TTC28: variants seen among roughly 807,000 people sequenced by gnomAD.
TTC28 encodes the protein tetratricopeptide repeat domain 28.
A neutral mutation model predicts 198.0 loss-of-function variants in TTC28; 61 were observed. That is an observed-to-expected ratio of 0.31 (90% CI 0.25 to 0.38). The LOEUF (loss-of-function observed/expected upper bound fraction) is 0.38. Ranked by LOEUF, TTC28 falls within the 10% of genes least tolerant of loss-of-function variation. The pLI is 1.00. For missense variants in TTC28, 2,678 were observed against 3,164.0 expected, an observed-to-expected ratio of 0.85 and a Z score of 3.69; for synonymous variants, 1,171 against 1,297.8, an observed-to-expected ratio of 0.90 and a Z score of 2.10.
chr22:28,192,753 A>C (rs949337116), intron 5 of TTC28, among the ~76,000 whole-genome samples: 4 of 152,166 alleles, frequency 2.6e-5, no homozygotes, highest in Admixed American at 2.6e-4. Context: ...AAAAAGTAAA[A>C]AGCAAGGACA....
chr22:28,190,547 C>A (rs1485287289), intron 5 of TTC28, among the ~76,000 whole-genome samples: 2 of 152,162 alleles, frequency 1.3e-5, no homozygotes, highest in Admixed American at 6.5e-5. Context: ...TGGTGGCCAA[C>A]AAACATGTTT....
intron 2 of TTC28, among the ~76,000 whole-genome samples, chr22:28,309,206 T>C (rs1275273990): frequency 6.6e-6 from 1 of 152,182 alleles, no homozygotes; most frequent in Admixed American, 6.5e-5. Context: ...AACACATAAT[T>C]ATAGACTAAC....
intron 2 of TTC28, among the ~76,000 whole-genome samples, chr22:28,472,619 C>T (rs183981131): frequency 9.4e-4 from 141 of 149,264 alleles, no homozygotes; most frequent in Middle Eastern, 7.1e-3. Context: ...AAGAATGAAA[C>T]TGCAACCGTA....
chr22:28,362,992 A>C (rs5752728), intron 2 of TTC28, among the ~76,000 whole-genome samples: 35,301 of 151,884 alleles, frequency 0.23, 5,191 homozygotes, highest in South Asian at 0.39. Flanking sequence ...ACAACAACAA[A>C]AAACACATTT....
At chr22:28,279,991 T>C (rs571554461) in intron 5 of TTC28, among the ~76,000 whole-genome samples, 77 of 152,364 alleles carry the variant, frequency 5.1e-4, no homozygotes, top group Non-Finnish European at 9.8e-4. Context: ...CATTCTTCCA[T>C]TGAGAAACAC....
At chr22:28,269,115 A>G (rs928103845) in intron 5 of TTC28, among the ~76,000 whole-genome samples, 1 of 152,032 alleles carries the variant, frequency 6.6e-6, no homozygotes, top group Admixed American at 6.6e-5. Flanking sequence ...CGCAAGCACT[A>G]ATTTTATTAT....
At position 28,032,192 on chromosome 22, in the gene TTC28, T is replaced by TATATATATATAAA. The variant is rs1331282843; in HGVS notation, c.3933-1839_3933-1827dup. On this transcript the variant is annotated intron_variant, in intron 12 of 22. Transcript: ENST00000397906. ...TGTATATATATATATATATATAAAA[T>TATATATATATAAA]ATATATATATAAAATATATATATAT... is the stretch of plus-strand genomic sequence containing the variant. 5.3e-4 allele frequency among the ~76,000 whole-genome samples: 60 copies of TATATATATATAAA among 112,526 alleles called. 1 individual carries two copies. The highest frequency in any genetic ancestry group is 7.3e-4 in the Non-Finnish European group (40 of 54,922). The allele number at this position is 112,526 out of a possible 152,430, so 73.8% of individuals were successfully genotyped here. A position where few individuals can be genotyped will look rare whatever the true frequency, so the allele number is the denominator to read the frequency against.
At chr22:28,075,701 T>C (rs1168367687) in intron 12 of TTC28, among the ~76,000 whole-genome samples, 2 of 152,218 alleles carry the variant, frequency 1.3e-5, no homozygotes, top group African/African-American at 2.4e-5. Flanking sequence ...CTTTCCTCCA[T>C]GCCCTTGCCT....
chr22:28,420,321 T>G (rs2047229731), intron 2 of TTC28, among the ~76,000 whole-genome samples: 1 of 152,186 alleles, frequency 6.6e-6, no homozygotes, highest in South Asian at 2.1e-4. Context: ...GCATATCTCT[T>G]TGAAAAATAG....
At chr22:28,540,188 C>T (rs1176408964) in intron 2 of TTC28, among the ~76,000 whole-genome samples, 4 of 151,916 alleles carry the variant, frequency 2.6e-5, no homozygotes, top group Non-Finnish European at 4.4e-5. Flanking sequence ...CCTCATGATC[C>T]GCCCATTTCG....
chr22:28,306,727 C>T, intron 2 of TTC28, 84 bp from the exon 3 acceptor site: 4 of 1,414,988 alleles, frequency 2.8e-6, no homozygotes, highest in Non-Finnish European at 3.9e-6. Context: ...AACAGGTCAG[C>T]AGAACTAAGA....
At chr22:28,316,413 T>C (rs903392755) in intron 2 of TTC28, among the ~76,000 whole-genome samples, 1 of 152,212 alleles carries the variant, frequency 6.6e-6, no homozygotes, top group Non-Finnish European at 1.5e-5. Flanking sequence ...AAAATTGCTT[T>C]GGCTATTTTA....
chr22:28,251,126 G>A (rs1930477782), intron 5 of TTC28, among the ~76,000 whole-genome samples: 1 of 152,084 alleles, frequency 6.6e-6, no homozygotes, highest in African/African-American at 2.4e-5. Context: ...ATTTATTTAT[G>A]CCTCTAATTA....
chr22:28,127,894 ATTTT>A (rs35611269), intron 6 of TTC28, among the ~76,000 whole-genome samples: 1 of 137,646 alleles, frequency 7.3e-6, no homozygotes, highest in African/African-American at 2.7e-5. Flanking sequence ...TGCCTGGCTA[ATTTT>A]TTTTTTTTTT....
intron 2 of TTC28, among the ~76,000 whole-genome samples, chr22:28,468,932 T>A (rs537408540): frequency 6.6e-6 from 1 of 152,276 alleles, no homozygotes; most frequent in East Asian, 1.9e-4. Flanking sequence ...ATACTAGTTG[T>A]TAGATTCACC....
intron 2 of TTC28, among the ~76,000 whole-genome samples, chr22:28,356,726 A>G (rs1358626461): frequency 6.6e-6 from 1 of 151,780 alleles, no homozygotes; most frequent in African/African-American, 2.4e-5. Context: ...TCACTGAGGT[A>G]GGCACAGGGG....
intron 1 of TTC28, among the ~76,000 whole-genome samples, chr22:28,643,760 A>T (rs1483921601): frequency 6.6e-6 from 1 of 152,220 alleles, no homozygotes; most frequent in Non-Finnish European, 1.5e-5. Flanking sequence ...GTATATTGTG[A>T]GTCTCCAAGA....
intron 2 of TTC28, among the ~76,000 whole-genome samples, chr22:28,539,490 G>A (rs910742641): frequency 2.0e-5 from 3 of 151,912 alleles, no homozygotes; most frequent in African/African-American, 7.3e-5. Flanking sequence ...ACAAAACTTA[G>A]CCAGGCGTTG....
In TTC28 at chr22:28,035,743, T is replaced by C. The variant is rs367859539; in HGVS notation, c.3933-5377A>G. 2.0e-5 allele frequency among the ~76,000 whole-genome samples: 3 copies of C among 152,244 alleles called. No homozygotes were observed. The East Asian group carries it at 5.8e-4, about 29-fold the overall frequency. ...TTTGAAACTTTCCCGTGTGACTTAC[T>C]TACCAGTTCCTGTCTATTTTTTCTT... On this transcript the variant is annotated intron_variant, in intron 12 of 22. Coordinates refer to ENST00000397906, the MANE Select transcript of TTC28 (RefSeq NM_001145418.2).
Sources: allele counts gnomAD v4.1 joint callset (sites outside exome capture counted in the v4.1 genomes callset), GRCh38; gene constraint gnomAD v4.1.1; transcripts MANE v1.5; gene names NCBI Gene and HGNC (gene_info 2026-07-23, HGNC 2026-07-21).